Variants in GRID2 observed in about 807,000 individuals in gnomAD.
GRID2 encodes glutamate ionotropic receptor delta type subunit 2.
A neutral mutation model predicts 114.8 loss-of-function variants in GRID2; 33 were observed. The observed-to-expected ratio is 0.29, with a 90% CI of 0.22 to 0.38. The LOEUF is 0.38. Ranked by LOEUF, GRID2 falls within the 10% of genes least tolerant of loss-of-function variation. The probability of loss-of-function intolerance (pLI) is 1.00; values close to 1 mark genes in which losing one functional copy is unlikely to be tolerated. For synonymous variants in GRID2, 505 were observed against 449.9 expected (o/e 1.12, Z -1.55); for missense variants, 1,184 against 1,257.7 (o/e 0.94, Z 0.89).
intron 14 of GRID2, among the ~76,000 whole-genome samples, chr4:93,661,622 C>G (rs1397092336): frequency 6.6e-6 from 1 of 152,160 alleles, no homozygotes; most frequent in Admixed American, 6.5e-5. Flanking sequence ...ACGGGTTAAT[C>G]TGTTGATGAA....
At chr4:93,805,807 A>G (rs895206839) in intron 1 of GRID2, among the ~76,000 whole-genome samples, 3 of 152,216 alleles carry the variant, frequency 2.0e-5, no homozygotes, top group Non-Finnish European at 4.4e-5. Context: ...ATTTAAGAGC[A>G]TATATTCGGC....
intron 8 of GRID2, among the ~76,000 whole-genome samples, chr4:93,357,614 A>G (rs974944445): frequency 6.6e-6 from 1 of 151,536 alleles, no homozygotes; most frequent in African/African-American, 2.4e-5. Context: ...ATTTTGCAGC[A>G]ATATAGTTTA....
At chr4:92,365,797 A>T (rs1375096310) in intron 1 of GRID2, among the ~76,000 whole-genome samples, 2 of 152,016 alleles carry the variant, frequency 1.3e-5, no homozygotes, top group Non-Finnish European at 2.9e-5. Context: ...ACCAAAAATA[A>T]ATAATCAGCA....
intron 7 of GRID2, among the ~76,000 whole-genome samples, chr4:93,227,006 T>G (rs1183753748): frequency 1.3e-5 from 2 of 152,166 alleles, no homozygotes; most frequent in Admixed American, 6.5e-5. Flanking sequence ...GGAGAAGAGT[T>G]GCTAGGTGGC....
chr4:92,760,524 C>G (rs1737956695), intron 2 of GRID2, among the ~76,000 whole-genome samples: 1 of 152,108 alleles, frequency 6.6e-6, no homozygotes, highest in Admixed American at 6.5e-5. Flanking sequence ...GCCAATCCAG[C>G]TTCAGGGTTG....
rs772140927 is a variant in GRID2, at chr4:93,585,947, G to C, written c.2194-40322G>C. Among the ~76,000 whole-genome samples the C allele has an allele frequency of 3.4e-4, 51 of 151,860 alleles. 1 individual carries two copies. Among genetic ancestry groups the C allele is most frequent in the Admixed American group, 1.6e-3 (25 of 15,230 alleles). ...TTCATGTGTGCTAGAACTTTATCCC[G>C]AGCCCTTCATTCTCATGTTTTGCAC... On this transcript the variant is annotated intron_variant, in intron 13 of 15. Coordinates refer to ENST00000282020, the MANE Select transcript of GRID2 (RefSeq NM_001510.4).
At chr4:92,808,820 T>G (rs1050001077) in intron 2 of GRID2, among the ~76,000 whole-genome samples, 3 of 151,858 alleles carry the variant, frequency 2.0e-5, no homozygotes, top group Non-Finnish European at 4.4e-5. Context: ...TATTCCCATG[T>G]TGGCTAACAC....
chr4:93,710,951 T>G (rs1213036176), intron 14 of GRID2, among the ~76,000 whole-genome samples: 1 of 152,058 alleles, frequency 6.6e-6, no homozygotes, highest in African/African-American at 2.4e-5. Flanking sequence ...TGTTGAATCT[T>G]GCCAGGACTG....
At chr4:93,110,133 T>G in intron 3 of GRID2, among the ~76,000 whole-genome samples, 1 of 152,192 alleles carries the variant, frequency 6.6e-6, no homozygotes, top group East Asian at 1.9e-4. Context: ...TAAGGCAAAC[T>G]TGGTATCTCC....
intron 1 of GRID2, among the ~76,000 whole-genome samples, chr4:92,324,823 G>A (rs1726509812): frequency 6.6e-6 from 1 of 150,620 alleles, no homozygotes; most frequent in African/African-American, 2.4e-5. Context: ...AACATAGTTT[G>A]TAATTATGTT....
intron 1 of GRID2, among the ~76,000 whole-genome samples, chr4:92,478,166 T>C (rs148304522): frequency 2.6e-5 from 4 of 152,180 alleles, no homozygotes; most frequent in Admixed American, 1.3e-4. Flanking sequence ...CTCTTATTTG[T>C]GCAGTTATCT....
At chr4:93,269,802 C>T (rs1407384127) in intron 8 of GRID2, among the ~76,000 whole-genome samples, 1 of 152,062 alleles carries the variant, frequency 6.6e-6, no homozygotes, top group African/African-American at 2.4e-5. Context: ...CTGTTTTTTC[C>T]TGGACACTAG....
intron 4 of GRID2, among the ~76,000 whole-genome samples, chr4:93,159,411 A>T (rs1350612090): frequency 6.6e-6 from 1 of 151,808 alleles, no homozygotes; most frequent in Non-Finnish European, 1.5e-5. Context: ...TGAGTCATCC[A>T]GTCATTTGCT....
chr4:93,009,260 C>A (rs1344054803), intron 2 of GRID2, among the ~76,000 whole-genome samples: 2 of 152,040 alleles, frequency 1.3e-5, no homozygotes, highest in African/African-American at 2.4e-5. Context: ...TGGTTGGTTC[C>A]CCTTGAAAGC....
intron 2 of GRID2, among the ~76,000 whole-genome samples, chr4:92,860,016 A>G (rs1322162767): frequency 6.6e-6 from 1 of 152,188 alleles, no homozygotes; most frequent in Admixed American, 6.5e-5. Flanking sequence ...AACCACTGAC[A>G]AGAAGAAGAA....
chr4:93,312,009 G>A (rs527950086), intron 8 of GRID2, among the ~76,000 whole-genome samples: 1 of 152,188 alleles, frequency 6.6e-6, no homozygotes, highest in African/African-American at 2.4e-5. Context: ...AAAATTTTTA[G>A]GCAGGAGAGA....
chr4:93,796,341 A>G (rs1345858900), intron 1 of GRID2, among the ~76,000 whole-genome samples: 5 of 152,162 alleles, frequency 3.3e-5, no homozygotes, highest in East Asian at 3.9e-4. Context: ...CACAGGGGGA[A>G]TTTTGAAAGC....
intron 6 of GRID2, among the ~76,000 whole-genome samples, chr4:93,221,284 G>A (rs1405054546): frequency 2.0e-5 from 3 of 152,124 alleles, no homozygotes; most frequent in East Asian, 3.9e-4. Context: ...GAACTAAGAT[G>A]ATCAGCCTAG....
chr4:93,500,381 C>G (rs1347234884), intron 12 of GRID2, among the ~76,000 whole-genome samples: 1 of 152,006 alleles, frequency 6.6e-6, no homozygotes, highest in African/African-American at 2.4e-5. Context: ...TACATTTTCT[C>G]TAGGCACTCA....
Sources: gnomAD v4.1 joint callset for allele counts (sites outside exome capture counted in the v4.1 genomes callset) on GRCh38, gnomAD v4.1.1 for gene constraint, MANE v1.5 for transcripts, NCBI Gene and HGNC (gene_info 2026-07-23, HGNC 2026-07-21) for gene names.